SMYD3: variants seen among roughly 807,000 people sequenced by gnomAD.
SMYD3 encodes SET and MYND domain containing 3, also known as histone-lysine N-methyltransferase SMYD3.
SMYD3 carries 36 observed loss-of-function variants against 57.7 expected under a neutral mutation model. The observed-to-expected ratio is 0.62, with a 90% confidence interval of 0.48 to 0.82. The LOEUF is 0.82. Among genes scored for constraint, SMYD3 ranks in the 40% least tolerant of loss-of-function variants. SMYD3 has a pLI of 0.00. For missense variants in SMYD3, 515 were observed against 538.8 expected (o/e 0.96, Z 0.44); for synonymous variants, 211 against 195.0 (o/e 1.08, Z -0.68).
At chr1:245,870,394 C>T (rs2052116972) in intron 8 of SMYD3, among the ~76,000 whole-genome samples, 1 of 152,128 alleles carries the variant, frequency 6.6e-6, no homozygotes, top group South Asian at 2.1e-4. Context: ...CGCTTTCTGA[C>T]AATCGCGTCA....
intron 1 of SMYD3, among the ~76,000 whole-genome samples, chr1:246,449,216 G>GC (rs961795304): frequency 6.6e-6 from 1 of 152,030 alleles, no homozygotes; most frequent in African/African-American, 2.4e-5. Context: ...GGTCAACAGA[G>GC]CAAGAGCCTA....
intron 1 of SMYD3, among the ~76,000 whole-genome samples, chr1:246,442,404 C>T (rs1338116048): frequency 6.6e-6 from 1 of 152,062 alleles, no homozygotes; most frequent in Non-Finnish European, 1.5e-5. Flanking sequence ...CAAAAATCAG[C>T]TGGGCGTGGT....
intron 1 of SMYD3, among the ~76,000 whole-genome samples, chr1:246,400,534 A>G (rs536249994): frequency 6.6e-6 from 1 of 152,212 alleles, no homozygotes; most frequent in Non-Finnish European, 1.5e-5. Flanking sequence ...CTGTGTCTGG[A>G]TCCAAAACCA....
At chr1:246,380,094 T>C (rs775631616) in intron 1 of SMYD3, among the ~76,000 whole-genome samples, 80 of 152,168 alleles carry the variant, frequency 5.3e-4, no homozygotes, top group Non-Finnish European at 8.4e-4. Context: ...TCTACACATT[T>C]TTCTCATATC....
chr1:245,964,537 A>G (rs1224044228), intron 5 of SMYD3, among the ~76,000 whole-genome samples: 1 of 152,256 alleles, frequency 6.6e-6, no homozygotes, highest in Non-Finnish European at 1.5e-5. Flanking sequence ...TATTGGAATC[A>G]TTCGACAAGA....
chr1:246,148,880 T>C (rs530580009), intron 5 of SMYD3, among the ~76,000 whole-genome samples: 17 of 152,182 alleles, frequency 1.1e-4, no homozygotes, highest in Admixed American at 2.6e-4. Flanking sequence ...CAGGGCAGAG[T>C]TACTGCAGCA....
At chr1:245,828,855 C>G (rs1214446125) in intron 10 of SMYD3, among the ~76,000 whole-genome samples, 3 of 151,992 alleles carry the variant, frequency 2.0e-5, no homozygotes, top group Admixed American at 2.0e-4. Flanking sequence ...GGCATGAGCC[C>G]CCACGCCCAG....
chr1:245,869,464 T>G (rs767316445), intron 8 of SMYD3, among the ~76,000 whole-genome samples: 40 of 152,192 alleles, frequency 2.6e-4, no homozygotes, highest in Admixed American at 3.3e-4. Flanking sequence ...CTCTAGTGAT[T>G]TCAGCAGTGC....
chr1:246,334,475 C>T (rs748384030), intron 3 of SMYD3, among the ~76,000 whole-genome samples: 14 of 152,024 alleles, frequency 9.2e-5, no homozygotes, highest in Non-Finnish European at 1.8e-4. Context: ...AACCAAATAC[C>T]ACAGGTTTTT....
chr1:245,779,409 G>A (rs1018731059), intron 10 of SMYD3, among the ~76,000 whole-genome samples: 3 of 152,104 alleles, frequency 2.0e-5, no homozygotes, highest in Non-Finnish European at 4.4e-5. Context: ...TTAGGTACCA[G>A]GAAAATGTTT....
intron 5 of SMYD3, among the ~76,000 whole-genome samples, chr1:246,033,825 T>A (rs541043451): frequency 1.2e-4 from 19 of 152,136 alleles, no homozygotes; most frequent in East Asian, 3.9e-4. Flanking sequence ...AAATTAAAAA[T>A]TTTTTTAAAT....
At chr1:246,398,935 G>C (rs949884471) in intron 1 of SMYD3, among the ~76,000 whole-genome samples, 1 of 152,050 alleles carries the variant, frequency 6.6e-6, no homozygotes, top group Non-Finnish European at 1.5e-5. Context: ...AGCGTAATTA[G>C]TCATACCATA....
intron 5 of SMYD3, among the ~76,000 whole-genome samples, chr1:246,140,891 A>C (rs1337623000): frequency 6.6e-6 from 1 of 152,182 alleles, no homozygotes; most frequent in Admixed American, 6.5e-5. Flanking sequence ...CACCAAGCCC[A>C]GCTGGAAGGA....
intron 10 of SMYD3, among the ~76,000 whole-genome samples, chr1:245,817,420 A>T (rs1236999087): frequency 6.7e-6 from 1 of 149,796 alleles, no homozygotes; most frequent in South Asian, 2.1e-4. Flanking sequence ...CAAAGACCAA[A>T]AGTAGATAAA....
rs1372676397 is a variant in SMYD3 at position 245,915,759 on chromosome 1, A to G, written c.703-119T>C. On this transcript the variant is annotated intron_variant, in intron 7 of 11. Coordinates refer to ENST00000490107, the MANE Select transcript of SMYD3 (RefSeq NM_001167740.2). Reference sequence around the variant, plus strand: ...CTTGTTTTTATTATAAACCAAAAATATAAGAGAGAAGGTACTGCTTATAGT... The same window carrying G: ...CTTGTTTTTATTATAAACCAAAAATGTAAGAGAGAAGGTACTGCTTATAGT... The G allele has an allele frequency of 5.0e-6, 3 of 599,940 alleles. No individual in the cohort carries two copies. In the East Asian group the frequency reaches 8.5e-5, roughly 17 times the overall value. The allele number at this position is 599,940 out of a possible 1,614,324, so 37.2% of individuals were successfully genotyped here.
chr1:246,002,895 C>G (rs1447851156), intron 5 of SMYD3, among the ~76,000 whole-genome samples: 1 of 151,748 alleles, frequency 6.6e-6, no homozygotes, highest in African/African-American at 2.4e-5. Context: ...GATCACAGGC[C>G]TGAGCCTCCG....
chr1:246,315,089 A>G (rs72776394), intron 5 of SMYD3, among the ~76,000 whole-genome samples: 19,125 of 152,128 alleles, frequency 0.13, 1,640 homozygotes, highest in East Asian at 0.3. Context: ...CTAAGCCACA[A>G]CTGATGTATT....
chr1:246,267,425 T>G (rs1214726448), intron 5 of SMYD3, among the ~76,000 whole-genome samples: 1 of 152,222 alleles, frequency 6.6e-6, no homozygotes, highest in Non-Finnish European at 1.5e-5. Context: ...GTTATTTGAT[T>G]ATTCCCAGTC....
intron 5 of SMYD3, among the ~76,000 whole-genome samples, chr1:245,965,288 A>T (rs10924412): frequency 0.14 from 21,324 of 152,214 alleles, 1,853 homozygotes; most frequent in East Asian, 0.41. Context: ...TTTTGTTATT[A>T]TAAGATATTT....
Sources: allele counts gnomAD v4.1 joint callset (sites outside exome capture counted in the v4.1 genomes callset), GRCh38; gene constraint gnomAD v4.1.1; transcripts MANE v1.5; gene names NCBI Gene and HGNC (gene_info 2026-07-23, HGNC 2026-07-21).